Variants in ARMC3 observed in about 807,000 individuals in gnomAD.
ARMC3 encodes the protein armadillo repeat containing 3.
Under a neutral mutation model 90.3 loss-of-function variants are expected in ARMC3, and 74 were observed. The ratio of observed to expected loss-of-function variants is 0.82; its 90% confidence interval spans 0.68 to 0.99. The LOEUF (loss-of-function observed/expected upper bound fraction) is 0.99, where lower values mean the gene tolerates loss of function less well. ARMC3 is among the 50% of genes least tolerant of loss of function. The pLI, the probability that ARMC3 is intolerant of heterozygous loss-of-function variation, is 0.00. For synonymous variants in ARMC3, 334 were observed against 361.8 expected (o/e 0.92, Z 0.87); for missense variants, 958 against 1,042.8 (o/e 0.92, Z 1.12).
chr10:22,967,401 C>A (rs997546770), intron 7 of ARMC3, among the ~76,000 whole-genome samples: 5 of 152,054 alleles, frequency 3.3e-5, no homozygotes, highest in African/African-American at 1.2e-4. Context: ...AATCTTCAGA[C>A]AATAATGAGA....
At chr10:23,014,353 G>C in intron 16 of ARMC3, 1 of 1,334,114 alleles carries the variant, frequency 7.5e-7, no homozygotes, top group South Asian at 1.9e-5. Flanking sequence ...TTAGCCTTTG[G>C]TCCATTGAGG....
intron 2 of ARMC3, among the ~76,000 whole-genome samples, chr10:22,940,654 T>A (rs181351488): frequency 3.3e-5 from 5 of 151,974 alleles, no homozygotes; most frequent in African/African-American, 1.2e-4. Context: ...CCTGGCTAAT[T>A]TTTTCACTTT....
chr10:22,946,056 AT>A, intron 2 of ARMC3, 87 bp from the exon 3 acceptor site: 4 of 953,140 alleles, frequency 4.2e-6, no homozygotes, highest in Non-Finnish European at 6.3e-6. Flanking sequence ...GCAAGATTAC[AT>A]TTTCTTTAAG....
chr10:23,033,207 A>G (rs954552946), intron 18 of ARMC3, among the ~76,000 whole-genome samples, 184 bp downstream of exon 18: 3 of 152,170 alleles, frequency 2.0e-5, no homozygotes, highest in Admixed American at 1.3e-4. Context: ...ATATGAATAT[A>G]AACATGCATA....
At chr10:23,014,223 T>C in intron 16 of ARMC3, 7 of 1,529,698 alleles carry the variant, frequency 4.6e-6, no homozygotes, top group Non-Finnish European at 6.2e-6. Flanking sequence ...GAATTGTAAA[T>C]GAAAATGATG....
rs1306615635 is a variant in ARMC3 at position 23,003,284 on chromosome 10, C to T, written c.1601C>T (p.Thr534Ile). 1 of 1,612,784 alleles carries T rather than the reference C, an allele frequency of 6.2e-7. No individual in the cohort carries two copies. The change falls in exon 13 of 19, where the codon ACT becomes ATT. Residue 534 changes from threonine to isoleucine, a missense_variant. Physicochemically the swap from Thr to Ile is moderately conservative, Grantham distance 89. Coordinates refer to ENST00000298032, the MANE Select transcript of ARMC3 (RefSeq NM_173081.5). ...CTTGAAGAAGTTAACGTATCAGGAA[C>T]TCGGAAAAATAAATTCAGTGAGGCA... Reference protein sequence around the residue: ...DILEEVNVSGTRKNKFSEAAY... With the variant: ...DILEEVNVSGIRKNKFSEAAY...
intron 2 of ARMC3, among the ~76,000 whole-genome samples, chr10:22,945,370 G>A (rs1046205372): frequency 6.6e-6 from 1 of 152,164 alleles, no homozygotes; most frequent in African/African-American, 2.4e-5. Flanking sequence ...GAAAAATAGT[G>A]TAATAATTTG....
At chr10:23,029,157 A>G (rs1838823784) in intron 16 of ARMC3, among the ~76,000 whole-genome samples, 1 of 152,122 alleles carries the variant, frequency 6.6e-6, no homozygotes, top group African/African-American at 2.4e-5. Flanking sequence ...CAAAAATTAA[A>G]ACTGGGGCTT....
chr10:23,020,617 GTATT>G (rs1231788326), intron 16 of ARMC3, among the ~76,000 whole-genome samples: 8 of 152,162 alleles, frequency 5.3e-5, no homozygotes, highest in Admixed American at 3.9e-4. Flanking sequence ...GGGATTGTTA[GTATT>G]TATTTATCCA....
At chr10:22,931,965 C>T (rs992203379) in intron 1 of ARMC3, 31 bp from the exon 2 acceptor site, 4 of 1,573,722 alleles carry the variant, frequency 2.5e-6, no homozygotes, top group Non-Finnish European at 3.5e-6. Context: ...GTGCAAATGT[C>T]ACTTTAACCA....
intron 10 of ARMC3, among the ~76,000 whole-genome samples, chr10:22,993,936 A>G (rs149917317): frequency 4.7e-4 from 71 of 152,310 alleles, no homozygotes; most frequent in Middle Eastern, 3.4e-3. Flanking sequence ...TCCTTTCTGT[A>G]AGTGCTCTTT....
chr10:22,990,127 T>A (rs1487040036), intron 10 of ARMC3, among the ~76,000 whole-genome samples: 1 of 151,914 alleles, frequency 6.6e-6, no homozygotes, highest in Non-Finnish European at 1.5e-5. Flanking sequence ...ATTTCCAACA[T>A]TACTGATTTT....
intron 10 of ARMC3, among the ~76,000 whole-genome samples, chr10:22,992,224 G>A (rs1420401513): frequency 1.3e-5 from 2 of 152,182 alleles, no homozygotes; most frequent in Non-Finnish European, 2.9e-5. Context: ...AAAATCGGTA[G>A]CAAAAACATG....
chr10:23,005,267 G>A (rs1463525594), intron 13 of ARMC3, among the ~76,000 whole-genome samples: 3 of 147,640 alleles, frequency 2.0e-5, no homozygotes, highest in Non-Finnish European at 4.5e-5. Context: ...CAAGAAAACT[G>A]ACGGGAAAAG....
intron 2 of ARMC3, among the ~76,000 whole-genome samples, chr10:22,936,214 T>A (rs1834106722): frequency 6.6e-6 from 1 of 152,150 alleles, no homozygotes; most frequent in Non-Finnish European, 1.5e-5. Context: ...CCCAGCAGTT[T>A]GGGAGGCTGA....
intron 16 of ARMC3, chr10:23,014,208 C>A (rs1470109454): frequency 6.5e-7 from 1 of 1,540,406 alleles, no homozygotes; most frequent in South Asian, 1.2e-5. Flanking sequence ...GGGCCTTGGT[C>A]TTCTGAATTG....
At chr10:22,950,627 C>T (rs975964842) in intron 3 of ARMC3, among the ~76,000 whole-genome samples, 2 of 151,810 alleles carry the variant, frequency 1.3e-5, no homozygotes, top group Non-Finnish European at 2.9e-5. Flanking sequence ...TAAATCTAAC[C>T]ATATCAAAAA....
chr10:22,968,396 G>T lies in ARMC3; in HGVS notation c.823G>T (p.Gly275Cys), dbSNP rs184323035. 164 of 1,613,426 alleles carry T rather than the reference G, an allele frequency of 1.0e-4. 1 individual carries two copies. In the East Asian group the frequency reaches 3.5e-3, roughly 34 times the overall value. ...DTMVQIQQTG[G>C]LKKLLSFAEN... ...TATGGTGCAGATTCAGCAGACAGGG[G>T]GTCTTAAAAAGCTCCTGTCATTTGC... Residue 275 changes from glycine to cysteine, a missense_variant, in exon 8 of 19, where the codon GGT (glycine) becomes TGT (cysteine). Coordinates refer to ENST00000298032, the MANE Select transcript of ARMC3 (RefSeq NM_173081.5).
At chr10:23,027,405 G>C (rs1053303320) in intron 16 of ARMC3, among the ~76,000 whole-genome samples, 2 of 152,116 alleles carry the variant, frequency 1.3e-5, no homozygotes, top group African/African-American at 2.4e-5. Flanking sequence ...GCTTCAAACA[G>C]TTTTTTGGTT....
Sources: gnomAD v4.1 joint callset for allele counts (sites outside exome capture counted in the v4.1 genomes callset) on GRCh38, gnomAD v4.1.1 for gene constraint, MANE v1.5 for transcripts, NCBI Gene and HGNC (gene_info 2026-07-23, HGNC 2026-07-21) for gene names.